The following LDB2 variants were observed in gnomAD, a reference collection of about 807,000 sequenced individuals.
LDB2 encodes LIM domain-binding protein 2.
A neutral mutation model predicts 44.3 loss-of-function variants in LDB2; 12 were observed. The observed-to-expected ratio is 0.27, with a 90% CI of 0.17 to 0.44. LDB2 has a LOEUF of 0.44. LDB2 is among the 20% of genes least tolerant of loss of function. The pLI is 1.00. For synonymous variants in LDB2, 164 were observed against 174.8 expected (o/e 0.94, Z 0.49); for missense variants, 344 against 473.5 (o/e 0.73, Z 2.54).
At chr4:16,753,669 C>G (rs889820246) in intron 2 of LDB2, among the ~76,000 whole-genome samples, 6 of 152,140 alleles carry the variant, frequency 3.9e-5, no homozygotes, top group Non-Finnish European at 8.8e-5. Context: ...CATGGAATAG[C>G]TTTTGGCTAG....
At chr4:16,648,830 A>G (rs1427603565) in intron 2 of LDB2, among the ~76,000 whole-genome samples, 1 of 152,106 alleles carries the variant, frequency 6.6e-6, no homozygotes, top group Non-Finnish European at 1.5e-5. Flanking sequence ...TTTCATTTAT[A>G]TTTATAGCTA....
At chr4:16,656,062 G>A (rs1479337809) in intron 2 of LDB2, among the ~76,000 whole-genome samples, 45 of 151,986 alleles carry the variant, frequency 3.0e-4, no homozygotes, top group Admixed American at 2.8e-3. Context: ...ACCACGCCCG[G>A]CTAATTTTTT....
intron 1 of LDB2, among the ~76,000 whole-genome samples, chr4:16,894,262 G>T (rs1054530710): frequency 2.6e-5 from 4 of 152,060 alleles, no homozygotes; most frequent in African/African-American, 9.7e-5. Flanking sequence ...AAGACATTGG[G>T]TCAATTTTTG....
chr4:16,762,731 C>G (rs1396287352), intron 1 of LDB2, among the ~76,000 whole-genome samples: 1 of 152,114 alleles, frequency 6.6e-6, no homozygotes, highest in Non-Finnish European at 1.5e-5. Context: ...ATATCATCCT[C>G]TATTTTCTGA....
chr4:16,732,465 T>C (rs1760957512), intron 2 of LDB2, among the ~76,000 whole-genome samples: 1 of 152,194 alleles, frequency 6.6e-6, no homozygotes, highest in South Asian at 2.1e-4. Flanking sequence ...GTATGATTAT[T>C]AACTTATATC....
chr4:16,848,427 A>G (rs553223524), intron 1 of LDB2, among the ~76,000 whole-genome samples: 1 of 152,376 alleles, frequency 6.6e-6, no homozygotes, highest in South Asian at 2.1e-4. Context: ...ATTTCTAAGA[A>G]GACAGCAGAT....
intron 2 of LDB2, among the ~76,000 whole-genome samples, chr4:16,730,381 A>T (rs1579132361): frequency 1.3e-5 from 2 of 152,314 alleles, no homozygotes; most frequent in East Asian, 3.9e-4. Context: ...TACACTCTAA[A>T]TTCCACAGGG....
intron 1 of LDB2, among the ~76,000 whole-genome samples, chr4:16,862,633 C>CAAAA (rs58157857): frequency 4.0e-4 from 18 of 45,082 alleles, no homozygotes; most frequent in Admixed American, 7.6e-4. Context: ...AATTCCATCT[C>CAAAA]AAAAAAAAAA....
chr4:16,712,074 A>G (rs537803216), intron 2 of LDB2, among the ~76,000 whole-genome samples: 73 of 152,336 alleles, frequency 4.8e-4, no homozygotes, highest in African/African-American at 1.6e-3. Context: ...GGACCTCATC[A>G]AAATTTTAAA....
At chr4:16,598,232 G>A (rs771172707) in intron 2 of LDB2, among the ~76,000 whole-genome samples, 2 of 152,148 alleles carry the variant, frequency 1.3e-5, no homozygotes, top group Admixed American at 6.5e-5. Flanking sequence ...TTTGGGCTAC[G>A]CCTTTAAAAG....
chr4:16,819,286 G>T (rs1038466801), intron 1 of LDB2, among the ~76,000 whole-genome samples: 3 of 151,688 alleles, frequency 2.0e-5, no homozygotes, highest in Non-Finnish European at 4.4e-5. Context: ...TAAAACAGAG[G>T]CTATATCTAA....
intron 1 of LDB2, among the ~76,000 whole-genome samples, chr4:16,857,820 ACT>A: frequency 6.6e-6 from 1 of 151,912 alleles, no homozygotes; most frequent in East Asian, 1.9e-4. Context: ...CAACTTCTTT[ACT>A]CTCTTTTCCC....
intron 2 of LDB2, among the ~76,000 whole-genome samples, chr4:16,642,238 C>G (rs1412284070): frequency 6.6e-6 from 1 of 152,128 alleles, no homozygotes; most frequent in Non-Finnish European, 1.5e-5. Context: ...GCCTACATTA[C>G]TGAGCTAACT....
intron 2 of LDB2, among the ~76,000 whole-genome samples, chr4:16,655,614 G>A (rs922667514): frequency 1.3e-5 from 2 of 152,160 alleles, no homozygotes; most frequent in Admixed American, 6.5e-5. Context: ...GGCATTATCT[G>A]TTTGATGGAG....
At chr4:16,829,321 A>C (rs1472769959) in intron 1 of LDB2, among the ~76,000 whole-genome samples, 3 of 152,234 alleles carry the variant, frequency 2.0e-5, no homozygotes, top group Non-Finnish European at 1.5e-5. Context: ...AGGAATCCCC[A>C]GAATTAGGCA....
intron 2 of LDB2, among the ~76,000 whole-genome samples, chr4:16,724,962 G>A (rs1216880013): frequency 6.6e-6 from 1 of 152,068 alleles, no homozygotes; most frequent in Non-Finnish European, 1.5e-5. Flanking sequence ...AAAATGATTT[G>A]CAGATGGAGA....
intron 2 of LDB2, among the ~76,000 whole-genome samples, chr4:16,672,519 T>C (rs1173113082): frequency 6.6e-6 from 1 of 152,208 alleles, no homozygotes; most frequent in Non-Finnish European, 1.5e-5. Flanking sequence ...TCTTGTGTTC[T>C]AGTTTCTTTT....
At chr4:16,613,723 AC>A (rs1726315490) in intron 2 of LDB2, among the ~76,000 whole-genome samples, 1 of 152,162 alleles carries the variant, frequency 6.6e-6, no homozygotes, top group African/African-American at 2.4e-5. Flanking sequence ...GATGTAAAGG[AC>A]CTTTTCAAGG....
chr4:16,725,812 G>A (rs753614756), intron 2 of LDB2, among the ~76,000 whole-genome samples: 5 of 151,452 alleles, frequency 3.3e-5, no homozygotes, highest in Non-Finnish European at 5.9e-5. Context: ...GCTACAGCAA[G>A]CTCTAAATAA....
Sources: allele counts gnomAD v4.1 joint callset (sites outside exome capture counted in the v4.1 genomes callset), GRCh38; gene constraint gnomAD v4.1.1; transcripts MANE v1.5; gene names NCBI Gene and HGNC (gene_info 2026-07-23, HGNC 2026-07-21).